Variants in GIGYF2 observed in about 807,000 individuals in gnomAD.
The protein encoded by GIGYF2 is GRB10 interacting GYF protein 2, also known as GRB10-interacting GYF protein 2.
GIGYF2 carries 25 observed loss-of-function variants against 208.1 expected under a neutral mutation model. That is an observed-to-expected ratio of 0.12 (90% CI 0.09 to 0.17). The LOEUF is 0.17. Among genes scored for constraint, GIGYF2 ranks in the 10% least tolerant of loss-of-function variants. The pLI is 1.00. For synonymous variants in GIGYF2, 534 were observed against 543.8 expected (o/e 0.98, Z 0.25); for missense variants, 1,302 against 1,579.4 (o/e 0.82, Z 2.98).
chr2:232,747,657 T>A lies in GIGYF2; in HGVS notation c.84T>A (p.Pro28=), dbSNP rs1245312873. ...LSSGGSITSP[P]LSPALPKYKL... ...GTGGTGGGAGTATTACATCCCCTCCTCTTTCTCCAGCATTGCCGAAGTATA... is the reference window on the plus strand; with the variant it reads ...GTGGTGGGAGTATTACATCCCCTCCACTTTCTCCAGCATTGCCGAAGTATA... Residue 28 remains proline, a synonymous_variant, in exon 4 of 29, where the codon CCT becomes CCA. Transcript: ENST00000373563. 6.2e-7 allele frequency: 1 copy of A among 1,613,900 alleles called. No homozygotes were observed. Among genetic ancestry groups the A allele is most frequent in the South Asian group, 1.1e-5 (1 of 91,078 alleles).
chr2:232,794,133 TC>T (rs2106367189), intron 12 of GIGYF2, among the ~76,000 whole-genome samples: 1 of 152,328 alleles, frequency 6.6e-6, no homozygotes, highest in East Asian at 1.9e-4. Flanking sequence ...CCTAATTACT[TC>T]CATCCCCCTT....
At chr2:232,766,349 A>G (rs1051120744) in intron 8 of GIGYF2, 1 of 181,798 alleles carries the variant, frequency 5.5e-6, no homozygotes, top group African/African-American at 2.4e-5. Context: ...CTTAAATGGA[A>G]CCTTAGATCT....
chr2:232,718,389 G>T (rs191950649), intron 2 of GIGYF2, among the ~76,000 whole-genome samples: 4 of 152,112 alleles, frequency 2.6e-5, no homozygotes, highest in Admixed American at 2.0e-4. Flanking sequence ...ATGAGCCACC[G>T]CACCTGACTA....
At chr2:232,798,483 C>T (rs1408592494) in intron 14 of GIGYF2, among the ~76,000 whole-genome samples, 2 of 152,188 alleles carry the variant, frequency 1.3e-5, no homozygotes, top group African/African-American at 4.8e-5. Context: ...AAAGAAACTG[C>T]CAAACTGTTT....
rs762050035 is a variant in GIGYF2, at chr2:232,768,715, G to C, written c.532+7279G>C. On this transcript the variant is annotated intron_variant, in intron 8 of 28. Coordinates refer to ENST00000373563, the MANE Select transcript of GIGYF2 (RefSeq NM_001103146.3). ...CGGGTGTTGGCCACTTGGAAGATAA[G>C]ATTAGGTTTGCCATCCATGTGAGCT... 2.5e-6 allele frequency: 4 copies of C among 1,602,770 alleles called. No homozygotes were observed. Among genetic ancestry groups the C allele is most frequent in the Non-Finnish European group, 3.4e-6 (4 of 1,171,354 alleles).
intron 3 of GIGYF2, among the ~76,000 whole-genome samples, chr2:232,745,731 C>G (rs1486044429): frequency 6.6e-6 from 1 of 152,076 alleles, no homozygotes; most frequent in Non-Finnish European, 1.5e-5. Context: ...CCTTAGTGAA[C>G]TTAGGGAACC....
At chr2:232,699,336 G>C (rs1574753727) in intron 1 of GIGYF2, among the ~76,000 whole-genome samples, 2 of 152,330 alleles carry the variant, frequency 1.3e-5, no homozygotes, top group East Asian at 3.9e-4. Flanking sequence ...TAGGGTGAGT[G>C]GGAGACTGGT....
rs1345380687 is a variant in GIGYF2, at chr2:232,768,618, T to G, written c.532+7182T>G. ...ATCAAGGTGGAAATCCACACTGGTC[T>G]GGTAGAGTTTGCCATTTTCTCTTTC... On this transcript the variant is annotated intron_variant, in intron 8 of 28. Transcript: ENST00000373563. The G allele has an allele frequency of 6.2e-7, 1 of 1,614,124 alleles. No homozygotes were observed. Among genetic ancestry groups the G allele is most frequent in the African/African-American group, 1.3e-5 (1 of 75,054 alleles).
chr2:232,710,171 G>T (rs1696322108), intron 2 of GIGYF2, among the ~76,000 whole-genome samples: 1 of 151,924 alleles, frequency 6.6e-6, no homozygotes, highest in African/African-American at 2.4e-5. Context: ...ATGTTAGCCA[G>T]GATGGTCTCG....
intron 21 of GIGYF2, among the ~76,000 whole-genome samples, chr2:232,831,566 A>G (rs1458660595): frequency 1.3e-5 from 2 of 152,280 alleles, no homozygotes; most frequent in African/African-American, 4.8e-5. Context: ...CAGCTCCAAA[A>G]TAAAAATACC....
chr2:232,795,923 G>A, intron 13 of GIGYF2, 139 bp from the exon 14 acceptor site: 1 of 690,602 alleles, frequency 1.4e-6, no homozygotes, highest in Non-Finnish European at 2.6e-6. Flanking sequence ...ATTGTTGGGA[G>A]AAGTTACCTG....
At chr2:232,741,926 C>G (rs1446815994) in intron 3 of GIGYF2, among the ~76,000 whole-genome samples, 1 of 152,158 alleles carries the variant, frequency 6.6e-6, no homozygotes, top group African/African-American at 2.4e-5. Flanking sequence ...TTGTGTTTAG[C>G]AAGGCCTTGA....
At chr2:232,814,013 G>A (rs912419044) in intron 18 of GIGYF2, among the ~76,000 whole-genome samples, 1 of 149,404 alleles carries the variant, frequency 6.7e-6, no homozygotes, top group Non-Finnish European at 1.5e-5. Flanking sequence ...TCAGCCTCCC[G>A]AGTAGCTGGG....
intron 22 of GIGYF2, among the ~76,000 whole-genome samples, chr2:232,835,658 A>G (rs1164961794): frequency 1.3e-5 from 2 of 152,038 alleles, no homozygotes; most frequent in African/African-American, 4.8e-5. Context: ...TGGATGGATT[A>G]TTTTAGTGGA....
intron 8 of GIGYF2, chr2:232,768,582 G>A (rs750953704): frequency 6.2e-7 from 1 of 1,614,136 alleles, no homozygotes; most frequent in South Asian, 1.1e-5. Context: ...ACATTCGTCA[G>A]AACTGATGCC....
At chr2:232,703,158 G>T (rs1469937771) in intron 1 of GIGYF2, among the ~76,000 whole-genome samples, 1 of 152,158 alleles carries the variant, frequency 6.6e-6, no homozygotes, top group Non-Finnish European at 1.5e-5. Context: ...TGACTTCCCT[G>T]AAACCCCATG....
At chr2:232,740,437 TC>T (rs1697929866) in intron 3 of GIGYF2, among the ~76,000 whole-genome samples, 1 of 152,208 alleles carries the variant, frequency 6.6e-6, no homozygotes, top group Non-Finnish European at 1.5e-5. Flanking sequence ...ATCTCCTTGG[TC>T]TTAAGGAAGT....
rs191315257 is a variant in GIGYF2, at chr2:232,787,593, A to C, written c.712+264A>C. Among the ~76,000 whole-genome samples, 172 of 152,306 alleles carry C rather than the reference A, an allele frequency of 1.1e-3. 2 individuals are homozygous for C. The Middle Eastern group carries it at 0.014, about 12-fold the overall frequency. On this transcript the variant is annotated intron_variant, in intron 9 of 28. Coordinates refer to ENST00000373563, the MANE Select transcript of GIGYF2 (RefSeq NM_001103146.3). ...GCACCTGCGCTCAACTGCAGAAATG[A>C]GGGTTTCATTCAGTTTTGTCTACCT...
At chr2:232,854,220 C>T (rs1351740904) in intron 28 of GIGYF2, among the ~76,000 whole-genome samples, 1 of 152,174 alleles carries the variant, frequency 6.6e-6, no homozygotes, top group East Asian at 1.9e-4. Flanking sequence ...GGGTCAGGCA[C>T]GGTGACTCAT....
Sources: gnomAD v4.1 joint callset for allele counts (sites outside exome capture counted in the v4.1 genomes callset) on GRCh38, gnomAD v4.1.1 for gene constraint, MANE v1.5 for transcripts, NCBI Gene and HGNC (gene_info 2026-07-23, HGNC 2026-07-21) for gene names.